Variants in ZC3H7B observed in about 807,000 individuals in gnomAD.
ZC3H7B encodes zinc finger CCCH domain-containing protein 7B.
In ZC3H7B, 35 loss-of-function variants were observed where a neutral mutation model predicts 116.0. The observed-to-expected ratio is 0.30, with a 90% CI of 0.23 to 0.40. ZC3H7B has a LOEUF of 0.40. Among genes scored for constraint, ZC3H7B ranks in the 10% least tolerant of loss-of-function variants. ZC3H7B has a pLI of 1.00. For missense variants in ZC3H7B, 1,011 were observed against 1,321.5 expected, an observed-to-expected ratio of 0.77 and a Z score of 3.64; for synonymous variants, 502 against 545.6, an observed-to-expected ratio of 0.92 and a Z score of 1.11.
chr22:41,323,391 A>G (rs114165724), intron 2 of ZC3H7B, among the ~76,000 whole-genome samples: 290 of 152,330 alleles, frequency 1.9e-3, no homozygotes, highest in African/African-American at 6.6e-3. Context: ...CCATAAGAAG[A>G]GTTCTGTGTC....
At chr22:41,319,831 C>T (rs965151246) in intron 1 of ZC3H7B, among the ~76,000 whole-genome samples, 1 of 152,020 alleles carries the variant, frequency 6.6e-6, no homozygotes, top group East Asian at 1.9e-4. Context: ...GAGTTTGAAA[C>T]CAGCCTGGCC....
rs140993908 is a variant in ZC3H7B, at chr22:41,351,370, G to A, written c.1949-191G>A. ...AATTCTTTCACTTCCAGTGAGGCTC[G>A]GAGCAGGTCTTTGTTCCCATTTTGC... On this transcript the variant is annotated intron_variant, in intron 16 of 22. Transcript: ENST00000352645. The surrounding 1 kb of genome is among the most constrained non-coding windows in gnomAD (Gnocchi z 5.1). 7.1e-4 allele frequency among the ~76,000 whole-genome samples: 108 copies of A among 152,286 alleles called. No individual in the cohort carries two copies. Among genetic ancestry groups the A allele is most frequent in the African/African-American group, 2.5e-3 (105 of 41,544 alleles).
intron 1 of ZC3H7B, among the ~76,000 whole-genome samples, chr22:41,306,875 C>T (rs1246460769): frequency 3.3e-5 from 5 of 151,394 alleles, no homozygotes; most frequent in East Asian, 1.9e-4. Flanking sequence ...CAGACAGCAG[C>T]GGGTGGAGGT....
intron 1 of ZC3H7B, among the ~76,000 whole-genome samples, chr22:41,318,461 GGAGCGTGCAGT>G (rs1041738962): frequency 1.5e-4 from 22 of 149,378 alleles, no homozygotes; most frequent in Non-Finnish European, 1.6e-4. Context: ...CCTGGGAGGC[GGAGCGTGCAGT>G]GAGCCAAGAT....
intron 17 of ZC3H7B, among the ~76,000 whole-genome samples, chr22:41,354,947 G>A (rs551277550): frequency 6.6e-6 from 1 of 152,274 alleles, no homozygotes; most frequent in South Asian, 2.1e-4. Flanking sequence ...CCCATCTCCT[G>A]GACCCCCCGC....
Position 41,356,660 on chromosome 22 carries a change from T to C in ZC3H7B, c.2533T>C (p.Trp845Arg). The change falls in exon 22 of 23, where the codon TGG (tryptophan) becomes CGG (arginine). Residue 845 changes from tryptophan (W) to arginine (R), a missense_variant. Physicochemically the swap from Trp to Arg is moderately radical, Grantham distance 101. Around this residue, in one of 5 missense-constraint regions of ZC3H7B, gnomAD observed 406 missense variants for 590.2 expected, o/e 0.69. Coordinates refer to ENST00000352645, the MANE Select transcript of ZC3H7B (RefSeq NM_017590.6). ...YADIMMGYHC[W>R]LCGKNSNSKK... ...GTGCTCCCAGATGGGCTACCACTGC[T>C]GGCTCTGCGGCAAGAACAGCAACAG... The C allele has an allele frequency of 6.2e-7, 1 of 1,613,544 alleles. No individual in the cohort carries two copies. Among genetic ancestry groups the C allele is most frequent in the Non-Finnish European group, 8.5e-7 (1 of 1,179,988 alleles).
intron 14 of ZC3H7B, among the ~76,000 whole-genome samples, chr22:41,347,737 A>G (rs2036605349): frequency 6.6e-6 from 1 of 152,174 alleles, no homozygotes; most frequent in Admixed American, 6.5e-5. Context: ...ATCATAGTTC[A>G]TAGCCAGGTG....
At chr22:41,304,079 G>A (rs2036009316) in intron 1 of ZC3H7B, among the ~76,000 whole-genome samples, 1 of 148,916 alleles carries the variant, frequency 6.7e-6, no homozygotes, top group South Asian at 2.1e-4. Context: ...TTTGAGACAA[G>A]GTCTCACTCT....
chr22:41,306,177 C>T lies in ZC3H7B; in HGVS notation c.-7+4405C>T, dbSNP rs554546303. 6.6e-5 allele frequency among the ~76,000 whole-genome samples: 10 copies of T among 152,228 alleles called. No homozygotes were observed. The South Asian group carries it at 1.9e-3, about 28-fold the overall frequency. ...TCATGATCCTTTCGATTCTCTGGGCCTCAGTTTCCCCTTCTGAAAAGGAGC... is the reference window on the plus strand; with the variant it reads ...TCATGATCCTTTCGATTCTCTGGGCTTCAGTTTCCCCTTCTGAAAAGGAGC... On this transcript the variant is annotated intron_variant, in intron 1 of 22. Transcript: ENST00000352645.
chr22:41,345,577 C>T (rs192579052), intron 13 of ZC3H7B, among the ~76,000 whole-genome samples: 3 of 152,172 alleles, frequency 2.0e-5, no homozygotes, highest in Middle Eastern at 3.4e-3. Flanking sequence ...AAGAGCAAAA[C>T]TCCATCTCAA....
At chr22:41,329,031 C>CAAAAAAAAAAAAAAAAAA (rs905189346) in intron 5 of ZC3H7B, among the ~76,000 whole-genome samples, 1 of 40,486 alleles carries the variant, frequency 2.5e-5, no homozygotes, top group Non-Finnish European at 5.5e-5. Flanking sequence ...TACTAAAATA[C>CAAAAAAAAAAAAAAAAAA]AAAAAAAAAA....
chr22:41,345,926 G>A (rs1014031115), intron 13 of ZC3H7B, 77 bp from the exon 14 acceptor site: 1 of 1,476,166 alleles, frequency 6.8e-7, no homozygotes, highest in Non-Finnish European at 9.4e-7. Flanking sequence ...AGCCCCACAG[G>A]CCGCAGCGGG....
chr22:41,307,598 T>C (rs2036061437), intron 1 of ZC3H7B, among the ~76,000 whole-genome samples: 1 of 152,204 alleles, frequency 6.6e-6, no homozygotes, highest in African/African-American at 2.4e-5. Flanking sequence ...ATCGTGGGGA[T>C]ACGATCACCC....
chr22:41,314,611 A>T (rs1378320515), intron 1 of ZC3H7B, among the ~76,000 whole-genome samples: 2 of 138,542 alleles, frequency 1.4e-5, no homozygotes, highest in Non-Finnish European at 3.2e-5. Context: ...TTATTTTTTT[A>T]TTTTATTTTA....
chr22:41,359,553 T>C lies in ZC3H7B; in HGVS notation c.*2124T>C, dbSNP rs1009236151. The C allele has an allele frequency of 6.6e-6, 1 of 152,086 alleles. No individual in the cohort carries two copies. Among genetic ancestry groups the C allele is most frequent in the African/African-American group, 2.4e-5 (1 of 41,400 alleles). 9.4% of individuals were successfully genotyped at this position (152,086 alleles called of 1,614,324 possible). On this transcript the variant is annotated 3_prime_UTR_variant, in exon 23 of 23. Coordinates refer to ENST00000352645, the MANE Select transcript of ZC3H7B (RefSeq NM_017590.6). ...AGCTTCCCAGACCACCCCCATCGAG[T>C]GCGGAGAGAGTGGGAGTGCTCAGGG...
In ZC3H7B at chr22:41,339,857, T is replaced by C; in HGVS notation, c.858T>C (p.Ser286=). ...GCCTGTCTGGCAGCGGCGTGCCTAG[T>C]GAGTTGCCCCAGCTGATACCCGTGT... ...QGGLSGSGVP[S]ELPQLIPVFP... The change falls in exon 10 of 23, where the codon AGT becomes AGC. Residue 286 remains serine, a synonymous_variant. Transcript: ENST00000352645. 4 of 1,611,724 alleles carry C rather than the reference T, an allele frequency of 2.5e-6. No homozygotes were observed. Among genetic ancestry groups the C allele is most frequent in the Non-Finnish European group, 2.5e-6 (3 of 1,178,588 alleles).
chr22:41,347,498 G>A lies in ZC3H7B; in HGVS notation c.1666-569G>A, dbSNP rs542761930. Among the ~76,000 whole-genome samples the A allele has an allele frequency of 5.9e-5, 9 of 152,242 alleles. No homozygotes were observed. The East Asian group carries it at 9.7e-4, about 16-fold the overall frequency. On this transcript the variant is annotated intron_variant, in intron 14 of 22. Transcript: ENST00000352645. The stretch of plus-strand genomic sequence containing the variant: ...CCCCAAAGCTGTCCCTGAAGACCCC[G>A]CTTGGCCTCCGGAGTGAACTTGGCC...
At chr22:41,355,632 T>A in intron 18 of ZC3H7B, 30 bp downstream of exon 18, 1 of 1,613,428 alleles carries the variant, frequency 6.2e-7, no homozygotes, top group Non-Finnish European at 8.5e-7. Flanking sequence ...GGGGCTCAGG[T>A]GGGATGGGGC....
At position 41,356,001 on chromosome 22, in the gene ZC3H7B, C is replaced by G. The variant is rs776994218; in HGVS notation, c.2322C>G (p.Asn774Lys). ...GCCGCAAGTGCCAATATGTGGGGAA[C>G]TGCTCCTTCGCACACAGCCCGGAGG... ...QNGRKCQYVG[N>K]CSFAHSPEER... The change falls in exon 20 of 23, where the codon AAC (asparagine) becomes AAG (lysine). Residue 774 changes from asparagine to lysine, a missense_variant. Asn to Lys is a moderately conservative substitution (Grantham distance 94). This residue lies in a region of ZC3H7B where 406 missense variants were observed against 590.2 expected (regional missense o/e 0.69). Transcript: ENST00000352645. 10 of 1,566,198 alleles carry G rather than the reference C, an allele frequency of 6.4e-6. No homozygotes were observed. The highest frequency in any genetic ancestry group is 8.6e-6 in the Non-Finnish European group (10 of 1,157,560).
Sources: gnomAD v4.1 joint callset for allele counts (sites outside exome capture counted in the v4.1 genomes callset) on GRCh38, gnomAD v4.1.1 for gene constraint, gnomAD v4.1.1 regional missense constraint, Gnocchi (gnomAD v3.1) non-coding constraint, MANE v1.5 for transcripts, NCBI Gene and HGNC (gene_info 2026-07-23, HGNC 2026-07-21) for gene names.